The following MSRA variants were observed in gnomAD, a reference collection of about 807,000 sequenced individuals.
MSRA encodes the protein mitochondrial peptide methionine sulfoxide reductase.
MSRA carries 54 observed loss-of-function variants against 31.3 expected under a neutral mutation model. The observed-to-expected ratio is 1.73, with a 90% confidence interval of 1.39 to 2.17. The LOEUF (loss-of-function observed/expected upper bound fraction) is 2.17, where lower values mean the gene tolerates loss of function less well. MSRA is among the 30% of genes most tolerant of loss of function. The pLI is 0.00. For missense variants in MSRA, 507 were observed against 300.9 expected (o/e 1.69, Z -5.07); for synonymous variants, 169 against 116.5 (o/e 1.45, Z -2.90).
At position 10,427,998 on chromosome 8, in the gene MSRA, T is replaced by C. The variant is rs1234291495; in HGVS notation, c.544-150T>C. The C allele has an allele frequency of 1.1e-5, 8 of 728,394 alleles. No homozygotes were observed. The South Asian group carries it at 1.7e-4, about 15-fold the overall frequency. 45.1% of individuals were successfully genotyped at this position (728,394 alleles called of 1,614,324 possible). A position where few individuals can be genotyped will look rare whatever the true frequency, so the allele number is the denominator to read the frequency against. On this transcript the variant is annotated intron_variant, in intron 5 of 5. Coordinates refer to ENST00000317173, the MANE Select transcript of MSRA (RefSeq NM_012331.5). ...AAGTCCCTGCCCAGCGTCACTCCACTTGGAATGCGGAGAGCCCGGCCTAAA... is the reference window on the plus strand; with the variant it reads ...AAGTCCCTGCCCAGCGTCACTCCACCTGGAATGCGGAGAGCCCGGCCTAAA...
chr8:10,236,379 G>C (rs1563252671), intron 2 of MSRA, among the ~76,000 whole-genome samples: 1 of 152,144 alleles, frequency 6.6e-6, no homozygotes, highest in Non-Finnish European at 1.5e-5. Context: ...CAAACCATTA[G>C]AACTAATAGA....
At chr8:10,339,394 G>C (rs539764962) in intron 5 of MSRA, among the ~76,000 whole-genome samples, 1 of 152,164 alleles carries the variant, frequency 6.6e-6, no homozygotes, top group South Asian at 2.1e-4. Flanking sequence ...GTCCACATTG[G>C]CTGCTTTTGA....
chr8:10,316,228 CTT>C (rs66741514), intron 4 of MSRA, among the ~76,000 whole-genome samples: 3 of 146,954 alleles, frequency 2.0e-5, no homozygotes, highest in African/African-American at 2.5e-5. Context: ...TATATTCCAC[CTT>C]TTTTTTTTTT....
At chr8:10,230,815 GC>G (rs1208551923) in intron 2 of MSRA, among the ~76,000 whole-genome samples, 1 of 152,098 alleles carries the variant, frequency 6.6e-6, no homozygotes, top group Non-Finnish European at 1.5e-5. Context: ...ATGGAGTTTT[GC>G]TCTCGTTGCC....
intron 5 of MSRA, among the ~76,000 whole-genome samples, chr8:10,344,860 A>G (rs927787461): frequency 2.6e-5 from 4 of 152,178 alleles, no homozygotes; most frequent in African/African-American, 9.7e-5. Flanking sequence ...TCAGGTGTCT[A>G]TCACAGCATA....
chr8:10,237,109 A>G (rs1374008788), intron 2 of MSRA, among the ~76,000 whole-genome samples: 2 of 152,258 alleles, frequency 1.3e-5, no homozygotes, highest in African/African-American at 2.4e-5. Context: ...ATTCTGAACT[A>G]GTTAATGCAG....
intron 5 of MSRA, among the ~76,000 whole-genome samples, chr8:10,363,778 A>ACACACACACACACACACACACACACG (rs1805000214): frequency 6.6e-6 from 1 of 150,874 alleles, no homozygotes; most frequent in Non-Finnish European, 1.5e-5. Context: ...ACACACACAC[A>ACACACACACACACACACACACACACG]CTAGCTGGTT....
chr8:10,234,021 T>G (rs1467240777), intron 2 of MSRA, among the ~76,000 whole-genome samples: 1 of 152,188 alleles, frequency 6.6e-6, no homozygotes, highest in Non-Finnish European at 1.5e-5. Context: ...TGGAGTAACA[T>G]CTTCAAAGTA....
chr8:10,180,732 G>A (rs57108872), intron 1 of MSRA, among the ~76,000 whole-genome samples: 23,835 of 152,112 alleles, frequency 0.16, 3,960 homozygotes, highest in African/African-American at 0.42. Context: ...TATATATTTC[G>A]TGTATTTTTG....
rs189669917 is a variant in MSRA, at chr8:10,242,037, G to A, written c.212-3067G>A. ...CTGTAATCCCAGCACTTTGGGAGGC[G>A]GAGGGGGGCAGATCACCTGAGGTCA... On this transcript the variant is annotated intron_variant, in intron 2 of 5. Coordinates refer to ENST00000317173, the MANE Select transcript of MSRA (RefSeq NM_012331.5). Among the ~76,000 whole-genome samples the A allele has an allele frequency of 6.1e-4, 93 of 152,120 alleles. 2 individuals carry two copies. The East Asian group carries it at 0.015, about 24-fold the overall frequency.
chr8:10,125,718 G>T (rs1801452628), intron 1 of MSRA, among the ~76,000 whole-genome samples: 1 of 152,184 alleles, frequency 6.6e-6, no homozygotes, highest in African/African-American at 2.4e-5. Context: ...AATGTTTGTG[G>T]TGGTAGTTCA....
At chr8:10,365,737 G>A (rs1986676) in intron 5 of MSRA, among the ~76,000 whole-genome samples, 21,799 of 152,226 alleles carry the variant, frequency 0.14, 1,750 homozygotes, top group African/African-American at 0.22. Flanking sequence ...CTATAGGGAA[G>A]GGAGATTTGT....
chr8:10,058,608 A>G lies in MSRA; in HGVS notation c.142+3950A>G, dbSNP rs1356812960. On this transcript the variant is annotated intron_variant, in intron 1 of 5. Transcript: ENST00000317173. Reference sequence around the variant, plus strand: ...TTTAAAGAGCAGATAATTCCAGAGCAGGAATAAATGGCTATTTCCTTGACA... The same window carrying G: ...TTTAAAGAGCAGATAATTCCAGAGCGGGAATAAATGGCTATTTCCTTGACA... Among the ~76,000 whole-genome samples the G allele has an allele frequency of 2.6e-5, 4 of 152,240 alleles. No individual in the cohort carries two copies. In the East Asian group the frequency reaches 7.7e-4, roughly 29 times the overall value.
rs1393430026 is a variant in MSRA, at chr8:10,344,308, C to G, written c.543+24319C>G. On this transcript the variant is annotated intron_variant, in intron 5 of 5. Coordinates refer to ENST00000317173, the MANE Select transcript of MSRA (RefSeq NM_012331.5). Reference sequence around the variant, plus strand: ...CTATAGAGTGGTGGCTGAATCCCTCCACCATCAGGCAATCAAAGCCAGCCA... The same window carrying G: ...CTATAGAGTGGTGGCTGAATCCCTCGACCATCAGGCAATCAAAGCCAGCCA... 2.6e-5 allele frequency among the ~76,000 whole-genome samples: 4 copies of G among 152,092 alleles called. No individual in the cohort carries two copies. In the East Asian group the frequency reaches 7.7e-4, roughly 29 times the overall value.
chr8:10,246,783 G>C (rs1037579599), intron 3 of MSRA, among the ~76,000 whole-genome samples: 3 of 152,192 alleles, frequency 2.0e-5, no homozygotes, highest in African/African-American at 7.2e-5. Context: ...TTCGTATGGA[G>C]AATGTGGTGT....
At chr8:10,204,205 G>C (rs1808747769) in intron 1 of MSRA, among the ~76,000 whole-genome samples, 1 of 152,114 alleles carries the variant, frequency 6.6e-6, no homozygotes. Context: ...AGTTTATAAA[G>C]TAAAAAATTA....
chr8:10,209,658 C>G (rs1809303702), intron 2 of MSRA, among the ~76,000 whole-genome samples: 1 of 152,330 alleles, frequency 6.6e-6, no homozygotes, highest in Non-Finnish European at 1.5e-5. Context: ...GCAACTTCCC[C>G]TCTCTAAGCC....
intron 5 of MSRA, among the ~76,000 whole-genome samples, chr8:10,364,851 G>A (rs934217026): frequency 1.3e-5 from 2 of 152,174 alleles, no homozygotes; most frequent in African/African-American, 4.8e-5. Flanking sequence ...AAACATTGGA[G>A]TTGTCAATTT....
chr8:10,067,874 G>GTTTTTTTTTTTTTTTTTTTTTTTTTTTT (rs71203303), intron 1 of MSRA, among the ~76,000 whole-genome samples: 1 of 49,368 alleles, frequency 2.0e-5, no homozygotes, highest in African/African-American at 5.6e-5. Context: ...TTCTTACTGA[G>GTTTTTTTTTTTTTTTTTTTTTTTTTTTT]TTTTTTTTTT....
Sources: allele counts gnomAD v4.1 joint callset (sites outside exome capture counted in the v4.1 genomes callset), GRCh38; gene constraint gnomAD v4.1.1; transcripts MANE v1.5; gene names NCBI Gene and HGNC (gene_info 2026-07-23, HGNC 2026-07-21).